Variants in RARS2 observed in about 807,000 individuals in gnomAD.
The protein encoded by RARS2 is probable arginine--tRNA ligase, mitochondrial.
In RARS2, 67 loss-of-function variants were observed where a neutral mutation model predicts 88.5. The ratio of observed to expected loss-of-function variants is 0.76; its 90% CI spans 0.62 to 0.93. The LOEUF (loss-of-function observed/expected upper bound fraction) is 0.93. RARS2 is among the 40% of genes least tolerant of loss of function. RARS2 has a pLI of 0.00. For missense variants in RARS2, 664 were observed against 684.2 expected, an observed-to-expected ratio of 0.97 and a Z score of 0.33; for synonymous variants, 239 against 230.3, an observed-to-expected ratio of 1.04 and a Z score of -0.34.
intron 1 of RARS2, among the ~76,000 whole-genome samples, chr6:87,585,995 T>C (rs1428529459): frequency 2.0e-5 from 3 of 152,140 alleles, no homozygotes; most frequent in African/African-American, 7.2e-5. Context: ...AATGATAGAA[T>C]GGGGCATGAA....
chr6:87,544,679 CCT>C (rs1475426448), intron 7 of RARS2, among the ~76,000 whole-genome samples: 1 of 152,124 alleles, frequency 6.6e-6, no homozygotes, highest in Non-Finnish European at 1.5e-5. Flanking sequence ...TTTACCTTGC[CCT>C]CTCACACCTT....
chr6:87,560,187 T>C (rs1298828024), intron 4 of RARS2, among the ~76,000 whole-genome samples: 1 of 152,236 alleles, frequency 6.6e-6, no homozygotes, highest in Non-Finnish European at 1.5e-5. Flanking sequence ...ATCAAGTCTG[T>C]TTTATTTAAA....
At position 87,514,518 on chromosome 6, in the gene RARS2, A is replaced by G; in HGVS notation, c.1651-19T>C. 6.5e-7 allele frequency: 1 copy of G among 1,548,490 alleles called. No individual in the cohort carries two copies. The highest frequency in any genetic ancestry group is 8.9e-7 in the Non-Finnish European group (1 of 1,120,432). On this transcript the variant is annotated intron_variant, in intron 19 of 19. Coordinates refer to ENST00000369536, the MANE Select transcript of RARS2 (RefSeq NM_020320.5). ...GTCTGGCCTACAAAATAAATCAAAG[A>G]ATGATTTAAAATATTCAGTAACAGG...
At chr6:87,515,080 G>T in intron 18 of RARS2, 60 bp from the exon 19 acceptor site, 2 of 1,244,918 alleles carry the variant, frequency 1.6e-6, no homozygotes, top group Non-Finnish European at 2.4e-6. Context: ...TGTAAGATAT[G>T]AGCTTGATAT....
intron 1 of RARS2, among the ~76,000 whole-genome samples, chr6:87,587,357 GCT>G (rs1775471701): frequency 6.6e-6 from 1 of 152,000 alleles, no homozygotes; most frequent in Admixed American, 6.6e-5. Context: ...TTTTTTCTTT[GCT>G]CTTTTTTCCC....
At chr6:87,564,732 A>G (rs1168215778) in intron 2 of RARS2, 1 of 224,058 alleles carries the variant, frequency 4.5e-6, no homozygotes, top group Non-Finnish European at 9.0e-6. Context: ...AAAATGAGAA[A>G]TAACCTAGTA....
chr6:87,516,392 C>CT (rs1326814849), intron 18 of RARS2, among the ~76,000 whole-genome samples: 1 of 152,192 alleles, frequency 6.6e-6, no homozygotes, highest in Non-Finnish European at 1.5e-5. Flanking sequence ...CAGGACAATG[C>CT]TTATGGATCC....
chr6:87,520,149 C>A, intron 13 of RARS2, 31 bp downstream of exon 13: 1 of 1,579,526 alleles, frequency 6.3e-7, no homozygotes, highest in Non-Finnish European at 8.7e-7. Context: ...GCTGACCCTG[C>A]ACAGACAATT....
In RARS2 at chr6:87,518,886, T is replaced by C. The variant is rs777781045; in HGVS notation, c.1243A>G (p.Lys415Glu). 1 of 1,614,024 alleles carries C rather than the reference T, an allele frequency of 6.2e-7. No individual in the cohort carries two copies. The highest frequency in any genetic ancestry group is 8.5e-7 in the Non-Finnish European group (1 of 1,179,976). The change falls in exon 15 of 20, where the codon AAA becomes GAA. Residue 415 changes from lysine (K) to glutamate (E), a missense_variant. Transcript: ENST00000369536. ...GTCTCTTGTGGGTTCTTGAGTTCTT[T>C]AGTTGCTGAAACAGACAAAGGCAGC... ...LQNMASIKTTKELKNPQETAE... is the reference protein window; with the variant it reads ...LQNMASIKTTEELKNPQETAE...
intron 16 of RARS2, 129 bp from the exon 17 acceptor site, chr6:87,518,393 G>C: frequency 6.5e-7 from 1 of 1,537,198 alleles, no homozygotes; most frequent in Non-Finnish European, 8.8e-7. Context: ...CACAGTGGAG[G>C]TAACAGTATA....
At chr6:87,519,771 A>G in intron 13 of RARS2, 64 bp from the exon 14 acceptor site, 4 of 1,582,050 alleles carry the variant, frequency 2.5e-6, no homozygotes, top group Non-Finnish European at 1.7e-6. Context: ...AGCATATAAT[A>G]CCTTTCAGAG....
intron 2 of RARS2, chr6:87,564,598 G>A (rs996936442): frequency 3.7e-5 from 14 of 377,442 alleles, no homozygotes; most frequent in Admixed American, 1.7e-4. Context: ...GAATCCTGGA[G>A]GTGGAGACTG....
At chr6:87,564,021 T>C (rs1011960390) in intron 3 of RARS2, 109 bp downstream of exon 3, 2 of 816,314 alleles carry the variant, frequency 2.5e-6, no homozygotes, top group Admixed American at 2.0e-5. Context: ...ACAAGATGCC[T>C]CAAAGAAACA....
At chr6:87,573,902 A>C (rs566817428) in intron 1 of RARS2, among the ~76,000 whole-genome samples, 2 of 152,354 alleles carry the variant, frequency 1.3e-5, no homozygotes, top group African/African-American at 4.8e-5. Flanking sequence ...TAGTCAAGTA[A>C]AAATACAATA....
At chr6:87,539,223 AG>A (rs1780143949) in intron 8 of RARS2, among the ~76,000 whole-genome samples, 1 of 152,182 alleles carries the variant, frequency 6.6e-6, no homozygotes, top group South Asian at 2.1e-4. Context: ...GTCTCCAAGC[AG>A]GTATTTGTAT....
intron 18 of RARS2, 51 bp from the exon 19 acceptor site, chr6:87,515,071 G>T (rs1265118203): frequency 3.6e-6 from 5 of 1,375,510 alleles, no homozygotes; most frequent in Non-Finnish European, 4.2e-6. Flanking sequence ...ATTTCCTGTT[G>T]TAAGATATGA....
chr6:87,515,039 A>G lies in RARS2; in HGVS notation c.1587-19T>C. ...AAGATGACTGAAACAGGAAGAGAGA[A>G]ATCACGATAGTACCAGCAGTAATTT... On this transcript the variant is annotated intron_variant, in intron 18 of 19. Coordinates refer to ENST00000369536, the MANE Select transcript of RARS2 (RefSeq NM_020320.5). 6.3e-7 allele frequency: 1 copy of G among 1,592,506 alleles called. No homozygotes were observed.
chr6:87,529,135 T>C (rs1337799137), intron 10 of RARS2, among the ~76,000 whole-genome samples: 1 of 152,234 alleles, frequency 6.6e-6, no homozygotes, highest in African/African-American at 2.4e-5. Flanking sequence ...TTTCCTCATT[T>C]ATAAGCCTGT....
At chr6:87,584,659 C>G (rs1298363323) in intron 1 of RARS2, 1 of 459,040 alleles carries the variant, frequency 2.2e-6, no homozygotes, top group Non-Finnish European at 4.4e-6. Context: ...CAAATCTACC[C>G]TCAAAAGACT....
Sources: allele counts gnomAD v4.1 joint callset (sites outside exome capture counted in the v4.1 genomes callset), GRCh38; gene constraint gnomAD v4.1.1; transcripts MANE v1.5; gene names NCBI Gene and HGNC (gene_info 2026-07-23, HGNC 2026-07-21).